The following GPR35 variants were observed in gnomAD, a reference collection of about 807,000 sequenced individuals.
GPR35 encodes the protein KYNA receptor.
For synonymous variants in GPR35, 207 were observed against 198.4 expected, an observed-to-expected ratio of 1.04 and a Z score of -0.36; for missense variants, 372 against 422.5, an observed-to-expected ratio of 0.88 and a Z score of 1.05.
intron 2 of GPR35, among the ~76,000 whole-genome samples, chr2:240,608,278 T>C (rs2043155639): frequency 6.6e-6 from 1 of 152,228 alleles, no homozygotes; most frequent in African/African-American, 2.4e-5. Flanking sequence ...CCTTGCCTTA[T>C]TTCCTCTGGC....
At chr2:240,606,627 CA>C (rs1293590258) in intron 2 of GPR35, 1 of 152,144 alleles carries the variant, frequency 6.6e-6, no homozygotes, top group Non-Finnish European at 1.5e-5. Context: ...TCCATTGACT[CA>C]GACAGGGGGT....
intron 2 of GPR35, among the ~76,000 whole-genome samples, chr2:240,608,018 A>C (rs2043151813): frequency 6.6e-6 from 1 of 152,110 alleles, no homozygotes. Flanking sequence ...CAGCTTCCCA[A>C]GTAGCCAGGA....
intron 2 of GPR35, among the ~76,000 whole-genome samples, chr2:240,606,924 C>G (rs1399576555): frequency 6.6e-6 from 1 of 152,168 alleles, no homozygotes; most frequent in African/African-American, 2.4e-5. Flanking sequence ...CTTTCTCTGG[C>G]TGAAGTCTCG....
intron 2 of GPR35, among the ~76,000 whole-genome samples, chr2:240,612,483 T>C (rs1287581250): frequency 1.4e-5 from 2 of 147,666 alleles, no homozygotes; most frequent in East Asian, 4.1e-4. Flanking sequence ...CAAAGGCTGC[T>C]GGTGGGTGCG....
In GPR35 at chr2:240,630,396, G is replaced by C. The variant is rs1017181194; in HGVS notation, c.444G>C (p.Leu148=). The change falls in exon 2 of 2, where the codon CTG becomes CTC. Residue 148 remains leucine (L), a synonymous_variant. Transcript: ENST00000407714. ...AVLWVLVIGS[L]VARWLLGIQE... Reference sequence around the variant, plus strand: ...TCTGGGTGCTGGTCATCGGCTCCCTGGTGGCTCGCTGGCTCCTGGGGATTC... The same window carrying C: ...TCTGGGTGCTGGTCATCGGCTCCCTCGTGGCTCGCTGGCTCCTGGGGATTC... 1 of 1,611,690 alleles carries C rather than the reference G, an allele frequency of 6.2e-7. No individual in the cohort carries two copies. The highest frequency in any genetic ancestry group is 1.3e-5 in the African/African-American group (1 of 75,056).
upstream of GPR35, among the ~76,000 whole-genome samples, chr2:240,623,055 A>G (rs1485095150): frequency 2.5e-5 from 3 of 118,992 alleles, no homozygotes; most frequent in Non-Finnish European, 4.9e-5. Flanking sequence ...ACCCCAGGCG[A>G]CCGTGCCTGA....
Position 240,629,947 on chromosome 2 carries a change from A to G in GPR35, c.-4-2A>G. Reference sequence around the variant, plus strand: ...GACCTCCGGCTCCCTGTGCTGCCCCAGGACCATGAATGGCACCTACAACAC... The same window carrying G: ...GACCTCCGGCTCCCTGTGCTGCCCCGGGACCATGAATGGCACCTACAACAC... On this transcript the variant is annotated splice_acceptor_variant, in intron 1 of 1. Transcript: ENST00000407714. LOFTEE classifies it low-confidence loss of function (5UTR_SPLICE). 6.3e-7 allele frequency: 1 copy of G among 1,596,194 alleles called. No individual in the cohort carries two copies. The highest frequency in any genetic ancestry group is 8.6e-7 in the Non-Finnish European group (1 of 1,167,428).
intron 2 of GPR35, among the ~76,000 whole-genome samples, chr2:240,614,080 C>T (rs531612328): frequency 6.6e-6 from 1 of 152,114 alleles, no homozygotes; most frequent in African/African-American, 2.4e-5. Context: ...CTCATGTGGA[C>T]CCGAACCCTA....
intron 2 of GPR35, among the ~76,000 whole-genome samples, chr2:240,614,038 C>T (rs2043214145): frequency 6.6e-6 from 1 of 151,896 alleles, no homozygotes; most frequent in African/African-American, 2.4e-5. Context: ...AACAATGCCT[C>T]ATGTGGGCCC....
At chr2:240,622,260 G>A (rs974078189), upstream of GPR35, among the ~76,000 whole-genome samples, 14 of 152,184 alleles carry the variant, frequency 9.2e-5, no homozygotes, top group South Asian at 4.1e-4. Context: ...GTGTGTCCAC[G>A]CAGGCGTCAC....
chr2:240,630,027 C>A lies in GPR35; in HGVS notation c.75C>A (p.Ala25=). ...WPPAIKLGFY[A]YLGVLLVLGL... is the part of the protein sequence containing the mutation. ...CAGCGATCAAGCTGGGCTTCTACGC[C>A]TACTTGGGCGTCCTGCTGGTGCTAG... The change falls in exon 2 of 2, where the codon GCC becomes GCA. Residue 25 remains alanine, a synonymous_variant. Coordinates refer to ENST00000407714, the MANE Select transcript of GPR35 (RefSeq NM_005301.5). 1 of 1,612,944 alleles carries A rather than the reference C, an allele frequency of 6.2e-7. No individual in the cohort carries two copies. The highest frequency in any genetic ancestry group is 8.5e-7 in the Non-Finnish European group (1 of 1,179,920).
At chr2:240,624,327 C>T (rs2043344111), upstream of GPR35, among the ~76,000 whole-genome samples, 1 of 152,098 alleles carries the variant, frequency 6.6e-6, no homozygotes, top group African/African-American at 2.4e-5. Flanking sequence ...AGGGCGCACA[C>T]TGGGGACTGG....
intron 4 of GPR35, chr2:240,617,751 C>T (rs1044187188): frequency 6.1e-6 from 1 of 164,996 alleles, no homozygotes; most frequent in Non-Finnish European, 1.3e-5. Flanking sequence ...TTTGATGTTC[C>T]CATTAACATT....
Position 240,630,844 on chromosome 2 carries a change from C to T in GPR35, c.892C>T (p.His298Tyr). ...GGCCGTGGCTCCCAGTGCTAAGGCC[C>T]ACAAAAGCCAGGACTCTCTGTGCGT... is the stretch of plus-strand genomic sequence containing the variant. ...ALAVAPSAKA[H>Y]KSQDSLCVTL... is the part of the protein sequence containing the mutation. Residue 298 changes from histidine (H) to tyrosine (Y), a missense_variant, in exon 2 of 2, where the codon CAC (histidine) becomes TAC (tyrosine). Physicochemically the swap from His to Tyr is moderately conservative, Grantham distance 83. Transcript: ENST00000407714. The T allele has an allele frequency of 6.2e-7, 1 of 1,613,022 alleles. No individual in the cohort carries two copies. The highest frequency in any genetic ancestry group is 8.5e-7 in the Non-Finnish European group (1 of 1,179,982).
At chr2:240,609,911 T>G (rs985045322) in intron 2 of GPR35, among the ~76,000 whole-genome samples, 12 of 152,232 alleles carry the variant, frequency 7.9e-5, no homozygotes, top group Non-Finnish European at 1.6e-4. Context: ...ACATACACAT[T>G]TAGAATTGTT....
At chr2:240,617,481 C>T (rs2043251165) in intron 4 of GPR35, 3 of 505,182 alleles carry the variant, frequency 5.9e-6, no homozygotes, top group Admixed American at 6.7e-5. Flanking sequence ...ATTCATCCAT[C>T]AGGGTTTGCA....
Position 240,631,142 on chromosome 2 carries a change from C to T in GPR35, c.*260C>T, listed in dbSNP as rs1055251024. 7.0e-5 allele frequency: 37 copies of T among 531,112 alleles called. No homozygotes were observed. Among genetic ancestry groups the T allele is most frequent in the Middle Eastern group, 1.0e-3 (2 of 1,984 alleles). 32.9% of individuals were successfully genotyped at this position (531,112 alleles called of 1,614,324 possible). A position where few individuals can be genotyped will look rare whatever the true frequency, so the allele number is the denominator to read the frequency against. On this transcript the variant is annotated 3_prime_UTR_variant, in exon 2 of 2. Coordinates refer to ENST00000407714, the MANE Select transcript of GPR35 (RefSeq NM_005301.5). ...CCGGGATGGGGCCTCACACTTGCCA[C>T]CCCCAGAACCAGCTCACCTGGCCAG...
At chr2:240,608,246 T>A (rs1429383692) in intron 2 of GPR35, among the ~76,000 whole-genome samples, 3 of 152,202 alleles carry the variant, frequency 2.0e-5, no homozygotes, top group Non-Finnish European at 2.9e-5. Context: ...TTTTACTTCT[T>A]CCTTTTCTAT....
chr2:240,614,987 T>G (rs550053202), intron 2 of GPR35, among the ~76,000 whole-genome samples: 143 of 152,294 alleles, frequency 9.4e-4, no homozygotes, highest in Admixed American at 1.9e-3. Flanking sequence ...TATGTGTGTT[T>G]ATATGCGAGT....
Sources: gnomAD v4.1 joint callset for allele counts (sites outside exome capture counted in the v4.1 genomes callset) on GRCh38, gnomAD v4.1.1 for gene constraint, MANE v1.5 for transcripts, NCBI Gene and HGNC (gene_info 2026-07-23, HGNC 2026-07-21) for gene names.